The following PIGN variants were observed in gnomAD, a reference collection of about 807,000 sequenced individuals.
PIGN encodes the protein GPI ethanolamine phosphate transferase 1.
In PIGN, 117 loss-of-function variants were observed where a neutral mutation model predicts 125.4. The observed-to-expected ratio is 0.93, with a 90% CI of 0.80 to 1.09. PIGN has a LOEUF of 1.09. Among genes scored for constraint, PIGN ranks in the 50% least tolerant of loss-of-function variants. PIGN has a pLI of 0.00. For missense variants in PIGN, 1,075 were observed against 1,094.9 expected, an observed-to-expected ratio of 0.98 and a Z score of 0.26; for synonymous variants, 392 against 377.8, an observed-to-expected ratio of 1.04 and a Z score of -0.44.
intron 17 of PIGN, among the ~76,000 whole-genome samples, chr18:62,109,515 A>G (rs1027790026): frequency 6.6e-6 from 1 of 152,208 alleles, no homozygotes; most frequent in African/African-American, 2.4e-5. Context: ...TCAAAATGCA[A>G]GTTAGTCTAG....
intron 15 of PIGN, among the ~76,000 whole-genome samples, 192 bp from the exon 16 acceptor site, chr18:62,113,508 T>G (rs1431044678): frequency 6.6e-6 from 1 of 152,184 alleles, no homozygotes; most frequent in African/African-American, 2.4e-5. Context: ...AAATTTGGAA[T>G]AAAATGAACT....
At chr18:62,155,112 A>C (rs1233285462) in intron 6 of PIGN, among the ~76,000 whole-genome samples, 1 of 152,220 alleles carries the variant, frequency 6.6e-6, no homozygotes, top group African/African-American at 2.4e-5. Flanking sequence ...TTATTCATAA[A>C]CTATGAGTAT....
intron 14 of PIGN, among the ~76,000 whole-genome samples, chr18:62,134,120 C>T (rs1040731653): frequency 6.6e-6 from 1 of 152,120 alleles, no homozygotes; most frequent in African/African-American, 2.4e-5. Flanking sequence ...TAAGGCTGGG[C>T]GTGGTGGCTC....
intron 1 of PIGN, among the ~76,000 whole-genome samples, chr18:62,164,148 C>A (rs1214548410): frequency 6.6e-6 from 1 of 152,142 alleles, no homozygotes; most frequent in Non-Finnish European, 1.5e-5. Context: ...GGTACACAAT[C>A]AGTTTTGTTT....
At chr18:62,122,402 T>G (rs1444272137) in intron 14 of PIGN, among the ~76,000 whole-genome samples, 1 of 152,128 alleles carries the variant, frequency 6.6e-6, no homozygotes, top group Non-Finnish European at 1.5e-5. Flanking sequence ...TTTATTTCAA[T>G]TAATATTTTT....
intron 14 of PIGN, among the ~76,000 whole-genome samples, chr18:62,122,407 AT>A (rs927872347): frequency 1.2e-4 from 18 of 151,974 alleles, no homozygotes; most frequent in African/African-American, 1.7e-4. Context: ...TTCAATTAAT[AT>A]TTTTTTTATA....
intron 14 of PIGN, among the ~76,000 whole-genome samples, chr18:62,125,889 G>T (rs1165021259): frequency 6.6e-6 from 1 of 151,948 alleles, no homozygotes; most frequent in Non-Finnish European, 1.5e-5. Context: ...GTGTTTTCAT[G>T]ACATCATACA....
intron 30 of PIGN, among the ~76,000 whole-genome samples, chr18:62,063,195 AG>A (rs1203803624): frequency 1.3e-5 from 2 of 151,630 alleles, no homozygotes; most frequent in East Asian, 3.9e-4. Context: ...GCTATTTTCT[AG>A]AAATTTCTTT....
chr18:62,183,655 A>G (rs1004678794), intron 1 of PIGN, among the ~76,000 whole-genome samples: 3 of 152,192 alleles, frequency 2.0e-5, no homozygotes, highest in African/African-American at 7.2e-5. Context: ...CAATTCCATG[A>G]CAGCAGGACG....
At chr18:62,138,347 C>T in intron 13 of PIGN, 49 bp from the exon 14 acceptor site, 8 of 1,504,806 alleles carry the variant, frequency 5.3e-6, no homozygotes, top group Non-Finnish European at 7.1e-6. Context: ...TAATGAATTC[C>T]ATTTTGAAAT....
rs774381597 is a variant in PIGN, at chr18:62,101,112, C to T, written c.2040G>A (p.Leu680=). ...TQSSLLRKQG[L]PLMNQIISWA... ...AGCTAATAATTTGATTCATGAGAGG[C>T]AGTCCTTGCTTCCTGAGTAGACTAC... is the stretch of plus-strand genomic sequence containing the variant. The change falls in exon 22 of 31, where the codon CTG becomes CTA. Residue 680 remains leucine, a synonymous_variant. Transcript: ENST00000640252. The T allele has an allele frequency of 9.3e-6, 15 of 1,610,868 alleles. No homozygotes were observed. In the East Asian group the frequency reaches 2.5e-4, roughly 26 times the overall value.
chr18:62,175,021 A>G (rs1490284688), intron 1 of PIGN, among the ~76,000 whole-genome samples: 2 of 147,510 alleles, frequency 1.4e-5, no homozygotes, highest in African/African-American at 2.5e-5. Context: ...CATAAACATT[A>G]TATATATTAG....
chr18:62,161,051 G>T, intron 4 of PIGN, 82 bp downstream of exon 4: 1 of 874,154 alleles, frequency 1.1e-6, no homozygotes, highest in Non-Finnish European at 1.8e-6. Flanking sequence ...CCCAGTGCAT[G>T]ATAAATAGTA....
At chr18:62,051,652 G>A (rs1266918271) in intron 30 of PIGN, 1 of 152,084 alleles carries the variant, frequency 6.6e-6, no homozygotes, top group Non-Finnish European at 1.5e-5. Context: ...CAAAAAACCA[G>A]CTCCTGGATT....
intron 14 of PIGN, among the ~76,000 whole-genome samples, chr18:62,121,100 G>A (rs905483915): frequency 6.6e-6 from 1 of 152,164 alleles, no homozygotes; most frequent in Non-Finnish European, 1.5e-5. Context: ...TTAAGATAGG[G>A]TGAGGGCATT....
intron 19 of PIGN, among the ~76,000 whole-genome samples, chr18:62,105,866 A>G (rs569670189): frequency 1.3e-4 from 20 of 152,354 alleles, no homozygotes; most frequent in African/African-American, 4.8e-4. Flanking sequence ...TAGGTATAAT[A>G]TGAGCACTTT....
intron 14 of PIGN, among the ~76,000 whole-genome samples, chr18:62,128,930 T>C (rs1395752968): frequency 6.6e-6 from 1 of 152,214 alleles, no homozygotes; most frequent in South Asian, 2.1e-4. Flanking sequence ...AATATAAGTA[T>C]ACAACGATGT....
downstream of PIGN, among the ~76,000 whole-genome samples, chr18:62,040,809 G>T (rs1326099306): frequency 6.6e-6 from 1 of 152,198 alleles, no homozygotes; most frequent in African/African-American, 2.4e-5. Context: ...AACAGTTTAT[G>T]TCTGTAAGAT....
At position 62,108,001 on chromosome 18, in the gene PIGN, C is replaced by T. The variant is rs80185107; in HGVS notation, c.1575-916G>A. Reference sequence around the variant, plus strand: ...TTTCATCACTAGGAAAAAAAGTTAACATTTGTAGTGCATTATTAAGTAGGT... The same window carrying T: ...TTTCATCACTAGGAAAAAAAGTTAATATTTGTAGTGCATTATTAAGTAGGT... On this transcript the variant is annotated intron_variant, in intron 17 of 30. Transcript: ENST00000640252. 9.7e-3 allele frequency among the ~76,000 whole-genome samples: 1,470 copies of T among 152,120 alleles called. 48 individuals are homozygous for T. Among genetic ancestry groups the T allele is most frequent in the East Asian group, 0.069 (356 of 5,180 alleles).
Sources: allele counts gnomAD v4.1 joint callset (sites outside exome capture counted in the v4.1 genomes callset), GRCh38; gene constraint gnomAD v4.1.1; transcripts MANE v1.5; gene names NCBI Gene and HGNC (gene_info 2026-07-23, HGNC 2026-07-21).